ACTN1: variants seen among roughly 807,000 people sequenced by gnomAD.
ACTN1 encodes actinin alpha 1.
Under a neutral mutation model 119.6 loss-of-function variants are expected in ACTN1, and 30 were observed. The ratio of observed to expected loss-of-function variants is 0.25; its 90% CI spans 0.19 to 0.34. The LOEUF is 0.34. Ranked by LOEUF, ACTN1 falls within the 10% of genes least tolerant of loss-of-function variation. ACTN1 has a pLI of 1.00. For missense variants in ACTN1, 764 were observed against 1,223.4 expected (o/e 0.62, Z 5.60); for synonymous variants, 429 against 472.6 (o/e 0.91, Z 1.20).
chr14:68,915,221 C>T lies in ACTN1; in HGVS notation c.341-2979G>A, dbSNP rs2034221200. Among the ~76,000 whole-genome samples, 3 of 152,098 alleles carry T rather than the reference C, an allele frequency of 2.0e-5. 1 individual carries two copies. In the South Asian group the frequency reaches 6.2e-4, roughly 32 times the overall value. ...GCCAGAGAGGCCCTCGTGGTCTGGC[C>T]GCCTGGGCCTCTTGTTCCCCCTCCT... is the stretch of plus-strand genomic sequence containing the variant. On this transcript the variant is annotated intron_variant, in intron 3 of 21. Transcript: ENST00000394419.
At chr14:68,955,480 CTGAGACTAGAGGATCAGAGGTCACTCCGG>C (rs2036325266) in intron 1 of ACTN1, among the ~76,000 whole-genome samples, 1 of 152,232 alleles carries the variant, frequency 6.6e-6, no homozygotes, top group East Asian at 1.9e-4. Context: ...TTTGGCTCAA[CTGAGACTAGAGGATCAGAGGTCACTCCGG>C]TGGGCCAACC....
At position 68,885,597 on chromosome 14, in the gene ACTN1, T is replaced by G. The variant is rs1478895250; in HGVS notation, c.1235-22A>C. ...TTGCCTGGGTTGAGAGAGGGCCACA[T>G]GGCTGAGCTGGAGTGAGAAGCATCT... On this transcript the variant is annotated intron_variant, in intron 11 of 21. Transcript: ENST00000394419. This position sits in a 1 kb window ranked among gnomAD's most constrained non-coding sequence, Gnocchi z 5.6. 1.9e-6 allele frequency: 3 copies of G among 1,608,992 alleles called. No individual in the cohort carries two copies. The highest frequency in any genetic ancestry group is 2.5e-6 in the Non-Finnish European group (3 of 1,179,462).
At chr14:68,911,816 G>A (rs1050727941) in intron 4 of ACTN1, among the ~76,000 whole-genome samples, 1 of 152,122 alleles carries the variant, frequency 6.6e-6, no homozygotes, top group South Asian at 2.1e-4. Flanking sequence ...CGGGGTTAGC[G>A]CCCCTCCTGG....
In ACTN1 at chr14:68,951,274, G is replaced by A. The variant is rs371335090; in HGVS notation, c.106-25602C>T. ...TTTTCCCTTTCTAGGAAGACACAAG[G>A]GAATGACTTGGCCCAATCCCAGGGG... On this transcript the variant is annotated intron_variant, in intron 1 of 21. Coordinates refer to ENST00000394419, the MANE Select transcript of ACTN1 (RefSeq NM_001130004.2). Among the ~76,000 whole-genome samples, 11 of 152,294 alleles carry A rather than the reference G, an allele frequency of 7.2e-5. No homozygotes were observed. In the East Asian group the frequency reaches 1.4e-3, roughly 19 times the overall value.
chr14:68,968,963 T>C (rs952565786), intron 1 of ACTN1, among the ~76,000 whole-genome samples: 1 of 152,110 alleles, frequency 6.6e-6, no homozygotes, highest in African/African-American at 2.4e-5. Context: ...TGAGCTTGCT[T>C]CCGAACCAGT....
intron 1 of ACTN1, 196 bp downstream of exon 1, chr14:68,978,756 C>T (rs1365619816): frequency 1.5e-5 from 6 of 389,630 alleles, no homozygotes; most frequent in African/African-American, 1.1e-4. Flanking sequence ...TCCCGGGCTC[C>T]GGGGCAGGGG....
intron 1 of ACTN1, among the ~76,000 whole-genome samples, chr14:68,936,203 CAAAG>C (rs1427177533): frequency 1.3e-5 from 2 of 152,146 alleles, no homozygotes; most frequent in Non-Finnish European, 1.5e-5. Flanking sequence ...GGTGGGCTCT[CAAAG>C]AAAGCCAAAA....
chr14:68,906,739 C>T (rs2033687929), intron 6 of ACTN1, among the ~76,000 whole-genome samples: 1 of 152,178 alleles, frequency 6.6e-6, no homozygotes, highest in African/African-American at 2.4e-5. Context: ...GTCTCACAAC[C>T]TCCTTGTTCT....
At chr14:68,931,999 AT>A (rs372342397) in intron 1 of ACTN1, among the ~76,000 whole-genome samples, 3 of 150,544 alleles carry the variant, frequency 2.0e-5, no homozygotes, top group African/African-American at 7.3e-5. Context: ...GGTTTAGAGG[AT>A]TTTTTTTTCA....
At chr14:68,918,061 C>T (rs2034410601) in intron 3 of ACTN1, among the ~76,000 whole-genome samples, 1 of 151,988 alleles carries the variant, frequency 6.6e-6, no homozygotes, top group East Asian at 1.9e-4. Context: ...AGAGTGAGAC[C>T]CTGTCTCAAA....
At chr14:68,905,116 C>T (rs1036072205) in intron 6 of ACTN1, among the ~76,000 whole-genome samples, 3 of 152,194 alleles carry the variant, frequency 2.0e-5, no homozygotes, top group African/African-American at 4.8e-5. Context: ...GGGTAGCTAA[C>T]CTGACCTCAG....
intron 1 of ACTN1, among the ~76,000 whole-genome samples, chr14:68,927,706 C>A (rs1283947413): frequency 1.3e-5 from 2 of 152,204 alleles, no homozygotes; most frequent in African/African-American, 4.8e-5. Flanking sequence ...AAGCATCCTT[C>A]CTCCGCTGCT....
chr14:68,915,302 C>T (rs74590944), intron 3 of ACTN1, among the ~76,000 whole-genome samples: 7,978 of 151,014 alleles, frequency 0.053, 288 homozygotes, highest in Non-Finnish European at 0.073. Flanking sequence ...CCCCCCTGCT[C>T]GGGCCTCCCT....
intron 1 of ACTN1, among the ~76,000 whole-genome samples, chr14:68,937,283 T>C (rs2035574769): frequency 6.6e-6 from 1 of 152,058 alleles, no homozygotes. Context: ...ATACATTTAA[T>C]TGTTATGTCA....
rs928005267 is a variant in ACTN1, at chr14:68,878,355, C to T, written c.2427+103G>A. 6.8e-7 allele frequency: 1 copy of T among 1,461,130 alleles called. No homozygotes were observed. Among genetic ancestry groups the T allele is most frequent in the Non-Finnish European group, 9.1e-7 (1 of 1,103,054 alleles). 90.5% of individuals were successfully genotyped at this position (1,461,130 alleles called of 1,614,324 possible). A position where few individuals can be genotyped will look rare whatever the true frequency, so the allele number is the denominator to read the frequency against. On this transcript the variant is annotated intron_variant, in intron 20 of 21. Coordinates refer to ENST00000394419, the MANE Select transcript of ACTN1 (RefSeq NM_001130004.2). The surrounding 1 kb of genome is among the most constrained non-coding windows in gnomAD (Gnocchi z 4.4). ...CCTGGGGCTCCTCCAGGGAGGGCAGCCCCTAGCCTGAGGGCCTCCAGCCTG... is the reference window on the plus strand; with the variant it reads ...CCTGGGGCTCCTCCAGGGAGGGCAGTCCCTAGCCTGAGGGCCTCCAGCCTG...
chr14:68,962,980 T>C (rs1430245451), intron 1 of ACTN1, among the ~76,000 whole-genome samples: 1 of 152,144 alleles, frequency 6.6e-6, no homozygotes, highest in African/African-American at 2.4e-5. Context: ...GTCCTCACTG[T>C]TGCCCACTCC....
At chr14:68,890,374 T>G (rs2032385273) in intron 10 of ACTN1, 88 bp from the exon 11 acceptor site, 1 of 1,480,444 alleles carries the variant, frequency 6.8e-7, no homozygotes, top group Non-Finnish European at 9.2e-7. Flanking sequence ...AGGTGCCCCA[T>G]GCCTTCCAGG....
chr14:68,911,993 C>A (rs1431895862), intron 4 of ACTN1, among the ~76,000 whole-genome samples, 163 bp downstream of exon 4: 1 of 152,186 alleles, frequency 6.6e-6, no homozygotes. Context: ...GTTCTTTTTT[C>A]TACATTGACT....
At chr14:68,932,826 A>G (rs1025709556) in intron 1 of ACTN1, among the ~76,000 whole-genome samples, 1 of 152,116 alleles carries the variant, frequency 6.6e-6, no homozygotes, top group African/African-American at 2.4e-5. Context: ...GCACCCCTGG[A>G]CCACACCCTA....
Sources: gnomAD v4.1 joint callset for allele counts (sites outside exome capture counted in the v4.1 genomes callset) on GRCh38, gnomAD v4.1.1 for gene constraint, Gnocchi (gnomAD v3.1) non-coding constraint, MANE v1.5 for transcripts, NCBI Gene and HGNC (gene_info 2026-07-23, HGNC 2026-07-21) for gene names.